Variants in KIFC3 observed in about 807,000 individuals in gnomAD.
KIFC3 encodes kinesin-like protein KIFC3.
In KIFC3, 60 loss-of-function variants were observed where a neutral mutation model predicts 101.8. That is an observed-to-expected ratio of 0.59 (90% CI 0.48 to 0.73). KIFC3 has a LOEUF of 0.73. Ranked by LOEUF, KIFC3 falls within the 30% of genes least tolerant of loss-of-function variation. The probability of loss-of-function intolerance (pLI) is 0.00; values close to 1 mark genes in which losing one functional copy is unlikely to be tolerated. For synonymous variants in KIFC3, 476 were observed against 482.7 expected (o/e 0.99, Z 0.18); for missense variants, 966 against 1,137.1 (o/e 0.85, Z 2.16).
chr16:57,800,631 G>A (rs2054658521), intron 1 of KIFC3, among the ~76,000 whole-genome samples: 1 of 152,220 alleles, frequency 6.6e-6, no homozygotes, highest in Non-Finnish European at 1.5e-5. Flanking sequence ...AGGGACAGGA[G>A]GAGATAGCGT....
chr16:57,768,772 C>T (rs546466480), intron 9 of KIFC3, among the ~76,000 whole-genome samples: 24 of 152,298 alleles, frequency 1.6e-4, no homozygotes, highest in Non-Finnish European at 2.6e-4. Flanking sequence ...AAGGAGCTAA[C>T]GGCTATAAAC....
intron 1 of KIFC3, among the ~76,000 whole-genome samples, chr16:57,843,187 A>C (rs1207248280): frequency 6.6e-6 from 1 of 152,140 alleles, no homozygotes; most frequent in African/African-American, 2.4e-5. Flanking sequence ...TACAGCACCT[A>C]CTCTGTGCCA....
chr16:57,806,349 A>G (rs1438889921), upstream of KIFC3, among the ~76,000 whole-genome samples: 1 of 151,996 alleles, frequency 6.6e-6, no homozygotes, highest in Non-Finnish European at 1.5e-5. Context: ...TACCTGGCCA[A>G]TTCCATACCT....
intron 1 of KIFC3, among the ~76,000 whole-genome samples, chr16:57,817,326 T>C (rs2055250767): frequency 6.7e-6 from 1 of 149,818 alleles, no homozygotes; most frequent in East Asian, 2.0e-4. Context: ...ACCATTGCAC[T>C]CCAGCCTGGG....
At chr16:57,827,645 C>A (rs895627187) in intron 1 of KIFC3, among the ~76,000 whole-genome samples, 4 of 152,162 alleles carry the variant, frequency 2.6e-5, no homozygotes, top group Admixed American at 1.3e-4. Flanking sequence ...CTAGAAGTCA[C>A]CCCCTTGGGC....
intron 1 of KIFC3, among the ~76,000 whole-genome samples, chr16:57,801,381 C>T (rs1353096787): frequency 6.6e-6 from 1 of 152,200 alleles, no homozygotes; most frequent in Admixed American, 6.5e-5. Flanking sequence ...CCAGGGCAAC[C>T]TAGATTTCAA....
At chr16:57,791,387 G>C (rs1178204115) in intron 3 of KIFC3, among the ~76,000 whole-genome samples, 1 of 152,164 alleles carries the variant, frequency 6.6e-6, no homozygotes. Flanking sequence ...TTTCTGGCCT[G>C]TTGGCCAAGC....
In KIFC3 at chr16:57,765,757, C is replaced by T. The variant is rs1182461014; in HGVS notation, c.1331-117G>A. The stretch of plus-strand genomic sequence containing the variant: ...CTAGGAGTCCCCTGACTTTTAAGCA[C>T]AGCCCCCTAGGGGAAGGGGGCCCAC... On this transcript the variant is annotated intron_variant, in intron 10 of 19. Transcript: ENST00000445690. 1.2e-5 allele frequency: 11 copies of T among 941,064 alleles called. No homozygotes were observed. The Middle Eastern group carries it at 1.8e-3, about 157-fold the overall frequency. The allele number at this position is 941,064 out of a possible 1,614,324, so 58.3% of individuals were successfully genotyped here.
chr16:57,826,174 C>A (rs11862785), intron 1 of KIFC3, among the ~76,000 whole-genome samples: 1 of 152,214 alleles, frequency 6.6e-6, no homozygotes, highest in African/African-American at 2.4e-5. Context: ...CCAAAATGCC[C>A]GCTTCCCCCA....
At chr16:57,835,958 AAAAC>A (rs1200889763) in intron 1 of KIFC3, among the ~76,000 whole-genome samples, 1 of 151,508 alleles carries the variant, frequency 6.6e-6, no homozygotes, top group Non-Finnish European at 1.5e-5. Flanking sequence ...TCAGAAACAA[AAAAC>A]AAACAAAAAC....
chr16:57,821,262 TATTGGGAGAGCGAAGAGGGGTGGCTG>T (rs1555629857), intron 1 of KIFC3, among the ~76,000 whole-genome samples: 2 of 151,324 alleles, frequency 1.3e-5, no homozygotes, highest in African/African-American at 2.4e-5. Flanking sequence ...GCTGGGGAAA[TATTGGGAGAGCGAAGAGGGGTGGCTG>T]GGCATCAAGC....
At chr16:57,796,230 A>C (rs1447559598) in intron 2 of KIFC3, among the ~76,000 whole-genome samples, 5 of 152,186 alleles carry the variant, frequency 3.3e-5, no homozygotes, top group African/African-American at 1.2e-4. Flanking sequence ...GCTTGTCAAT[A>C]AAATGGGGAC....
At chr16:57,859,891 G>A (rs1015337953) in intron 1 of KIFC3, among the ~76,000 whole-genome samples, 5 of 151,384 alleles carry the variant, frequency 3.3e-5, no homozygotes, top group African/African-American at 4.8e-5. Context: ...GTGTGGTGGC[G>A]CATGCCTGTA....
intron 1 of KIFC3, among the ~76,000 whole-genome samples, chr16:57,849,506 C>G (rs555582718): frequency 6.6e-6 from 1 of 152,116 alleles, no homozygotes; most frequent in Admixed American, 6.6e-5. Context: ...ATCTGAAAGT[C>G]AATATAGTCT....
intron 3 of KIFC3, chr16:57,774,954 C>A (rs1555611012): frequency 7.3e-6 from 11 of 1,505,686 alleles, no homozygotes; most frequent in Non-Finnish European, 9.7e-6. Flanking sequence ...AGGCTGCTGC[C>A]TCAGCATGGG....
intron 1 of KIFC3, among the ~76,000 whole-genome samples, chr16:57,827,844 G>A (rs1268057397): frequency 6.6e-6 from 1 of 152,216 alleles, no homozygotes; most frequent in African/African-American, 2.4e-5. Flanking sequence ...CATCTGTGGT[G>A]TGTCCCAAGA....
intron 2 of KIFC3, among the ~76,000 whole-genome samples, 180 bp from the exon 3 acceptor site, chr16:57,795,321 G>C (rs1166896547): frequency 6.6e-6 from 1 of 152,222 alleles, no homozygotes; most frequent in African/African-American, 2.4e-5. Context: ...GGAAGGCCTG[G>C]CTCGGGGCAG....
chr16:57,855,622 G>A (rs1009183501), intron 1 of KIFC3, among the ~76,000 whole-genome samples: 21 of 151,668 alleles, frequency 1.4e-4, no homozygotes, highest in African/African-American at 4.1e-4. Flanking sequence ...TAAATTCAAA[G>A]CAAGCAGAAG....
At position 57,764,217 on chromosome 16, in the gene KIFC3, A is replaced by C; in HGVS notation, c.1543T>G (p.Ser515Ala). The C allele has an allele frequency of 7.1e-7, 1 of 1,403,910 alleles. No homozygotes were observed. Among genetic ancestry groups the C allele is most frequent in the Non-Finnish European group, 9.6e-7 (1 of 1,047,084 alleles). The allele number at this position is 1,403,910 out of a possible 1,614,324, so 87.0% of individuals were successfully genotyped here. A position where few individuals can be genotyped will look rare whatever the true frequency, so the allele number is the denominator to read the frequency against. ...VFQEVQALVT[S>A]CIDGFNVCIF... ...CAGACATTGAAGCCATCAATGCAAGAGGTGACCAGGGCCTGCACCTCCTGG... is the reference window on the plus strand; with the variant it reads ...CAGACATTGAAGCCATCAATGCAAGCGGTGACCAGGGCCTGCACCTCCTGG... Residue 515 changes from serine to alanine, a missense_variant, in exon 12 of 20, where the codon TCT becomes GCT. Transcript: ENST00000445690.
Sources: gnomAD v4.1 joint callset for allele counts (sites outside exome capture counted in the v4.1 genomes callset) on GRCh38, gnomAD v4.1.1 for gene constraint, MANE v1.5 for transcripts, NCBI Gene and HGNC (gene_info 2026-07-23, HGNC 2026-07-21) for gene names.